Variants in LRRIQ1 observed in about 807,000 individuals in gnomAD.
The protein encoded by LRRIQ1 is leucine rich repeats and IQ motif containing 1, also known as leucine-rich repeat- and IQ domain-containing protein 1.
Under a neutral mutation model 211.9 loss-of-function variants are expected in LRRIQ1, and 210 were observed. That is an observed-to-expected ratio of 0.99 (90% CI 0.89 to 1.11). The LOEUF is 1.11. Among genes scored for constraint, LRRIQ1 ranks in the 50% most tolerant of loss-of-function variants. LRRIQ1 has a pLI of 0.00. For missense variants in LRRIQ1, 2,136 were observed against 1,939.5 expected, an observed-to-expected ratio of 1.10 and a Z score of -1.90; for synonymous variants, 699 against 650.1, an observed-to-expected ratio of 1.08 and a Z score of -1.14.
chr12:85,235,049 A>G (rs1040063550), intron 26 of LRRIQ1, among the ~76,000 whole-genome samples: 13 of 152,222 alleles, frequency 8.5e-5, no homozygotes, highest in Admixed American at 2.0e-4. Flanking sequence ...ACTCTTTAGT[A>G]ACCTTCAATA....
the LRRIQ1 span, among the ~76,000 whole-genome samples, chr12:85,270,911 T>G: frequency 2.2e-3 from 332 of 152,292 alleles, 2 homozygotes; most frequent in African/African-American, 7.8e-3. Context: ...TTTGGTGTTA[T>G]AGATGAAATA....
chr12:85,053,905 C>T (rs1880646864), intron 7 of LRRIQ1, among the ~76,000 whole-genome samples: 1 of 152,170 alleles, frequency 6.6e-6, no homozygotes, highest in South Asian at 2.1e-4. Context: ...CACAAGGTTT[C>T]ACCGTGTTAC....
rs1373582724 is a variant in LRRIQ1, at chr12:85,193,463, C to T, written c.4822+32749C>T. Among the ~76,000 whole-genome samples, 3 of 138,756 alleles carry T rather than the reference C, an allele frequency of 2.2e-5. No individual in the cohort carries two copies. In the Admixed American group the frequency reaches 2.3e-4, roughly 11 times the overall value. 91.0% of individuals were successfully genotyped at this position (138,756 alleles called of 152,430 possible). ...CTCAAAGGGAAGCCCATCAGACTAA[C>T]AGTGGATCTCTCGGCAGAAACCCTA... is the stretch of plus-strand genomic sequence containing the variant. On this transcript the variant is annotated intron_variant, in intron 24 of 26. Transcript: ENST00000393217.
At chr12:85,054,401 A>G (rs1880728770) in intron 7 of LRRIQ1, among the ~76,000 whole-genome samples, 1 of 152,164 alleles carries the variant, frequency 6.6e-6, no homozygotes, top group Non-Finnish European at 1.5e-5. Context: ...GGTCTGAAAT[A>G]TTGCTAGCAT....
intron 17 of LRRIQ1, among the ~76,000 whole-genome samples, chr12:85,127,059 T>C (rs1592846193): frequency 6.6e-6 from 1 of 152,162 alleles, no homozygotes; most frequent in African/African-American, 2.4e-5. Context: ...GTCAGCACTT[T>C]GACTACACTC....
chr12:85,188,910 A>T (rs561791184), intron 24 of LRRIQ1, among the ~76,000 whole-genome samples: 14 of 152,246 alleles, frequency 9.2e-5, no homozygotes, highest in Admixed American at 5.2e-4. Context: ...CATAGGAATT[A>T]TGATCCGCAG....
At chr12:85,127,687 TG>T in intron 17 of LRRIQ1, 144 bp from the exon 18 acceptor site, 1 of 673,716 alleles carries the variant, frequency 1.5e-6, no homozygotes, top group Non-Finnish European at 2.5e-6. Context: ...TCTATGACAA[TG>T]GTTAAACAAA....
At position 85,198,064 on chromosome 12, in the gene LRRIQ1, C is replaced by T. The variant is rs11116741; in HGVS notation, c.4823-31453C>T. On this transcript the variant is annotated intron_variant, in intron 24 of 26. Coordinates refer to ENST00000393217, the MANE Select transcript of LRRIQ1 (RefSeq NM_001079910.2). Reference sequence around the variant, plus strand: ...TAATATATTATATAATTATATATAACATATTATTTATATATAATTTATTAT... The same window carrying T: ...TAATATATTATATAATTATATATAATATATTATTTATATATAATTTATTAT... Among the ~76,000 whole-genome samples the T allele has an allele frequency of 3.0e-3, 129 of 43,196 alleles. 1 individual carries two copies. The African/African-American group carries it at 0.046, about 15-fold the overall frequency. 28.3% of individuals were successfully genotyped at this position (43,196 alleles called of 152,430 possible). A position where few individuals can be genotyped will look rare whatever the true frequency, so the allele number is the denominator to read the frequency against.
chr12:85,050,512 C>G (rs980638308), intron 6 of LRRIQ1, among the ~76,000 whole-genome samples: 1 of 152,096 alleles, frequency 6.6e-6, no homozygotes, highest in Admixed American at 6.5e-5. Flanking sequence ...TTTGATAAGC[C>G]ACACTATTAT....
At chr12:85,052,461 G>A (rs748727972) in intron 7 of LRRIQ1, among the ~76,000 whole-genome samples, 2 of 151,908 alleles carry the variant, frequency 1.3e-5, no homozygotes, top group African/African-American at 2.4e-5. Context: ...AGTGTTGTCC[G>A]TATAAAATTG....
intron 23 of LRRIQ1, among the ~76,000 whole-genome samples, chr12:85,160,021 G>T (rs1995685): frequency 0.017 from 2,638 of 152,006 alleles, 73 homozygotes; most frequent in African/African-American, 0.059. Flanking sequence ...GAAATTGTCA[G>T]GTTGCTCATG....
chr12:85,163,250 G>A (rs1355071038), intron 24 of LRRIQ1, among the ~76,000 whole-genome samples: 1 of 152,072 alleles, frequency 6.6e-6, no homozygotes, highest in Non-Finnish European at 1.5e-5. Context: ...TATATTTACA[G>A]TTACATAACC....
chr12:85,196,231 C>G (rs1182535187), intron 24 of LRRIQ1, among the ~76,000 whole-genome samples: 2 of 151,866 alleles, frequency 1.3e-5, no homozygotes, highest in African/African-American at 4.8e-5. Flanking sequence ...GAATCAATAT[C>G]GTGAAAATGG....
chr12:85,041,493 A>T (rs897247374), intron 3 of LRRIQ1, among the ~76,000 whole-genome samples: 5 of 151,648 alleles, frequency 3.3e-5, no homozygotes, highest in Non-Finnish European at 7.4e-5. Context: ...TATTTGAGCA[A>T]TGACTTAATG....
At chr12:85,194,747 A>G (rs1892797736) in intron 24 of LRRIQ1, among the ~76,000 whole-genome samples, 2 of 152,132 alleles carry the variant, frequency 1.3e-5, no homozygotes, top group African/African-American at 4.8e-5. Context: ...ACACCCTAAC[A>G]TCACAATTGA....
chr12:85,148,951 T>C (rs895115659), intron 19 of LRRIQ1, among the ~76,000 whole-genome samples: 3 of 152,082 alleles, frequency 2.0e-5, no homozygotes, highest in Admixed American at 6.6e-5. Flanking sequence ...ATGTCTTCTT[T>C]TGAGAAGTGT....
chr12:85,153,682 T>A lies in LRRIQ1; in HGVS notation c.4561T>A (p.Ser1521Thr), dbSNP rs529967979. 1 of 1,583,308 alleles carries A rather than the reference T, an allele frequency of 6.3e-7. No homozygotes were observed. The highest frequency in any genetic ancestry group is 1.4e-5 in the African/African-American group (1 of 73,220). Residue 1521 changes from serine to threonine, a missense_variant, in exon 22 of 27, where the codon TCC (serine) becomes ACC (threonine). Transcript: ENST00000393217. The stretch of plus-strand genomic sequence containing the variant: ...TGCCAGATCAGAAAATAAAACTTCT[T>A]CCTGGACACCTGAATCAAAGACCAG... ...FNSRSENKTSSWTPESKTSRK... is the reference protein window; with the variant it reads ...FNSRSENKTSTWTPESKTSRK...
downstream of LRRIQ1, among the ~76,000 whole-genome samples, chr12:85,265,534 A>G (rs1044243011): frequency 3.9e-5 from 6 of 151,984 alleles, no homozygotes; most frequent in Admixed American, 6.6e-5. Flanking sequence ...GTTCTGCTCT[A>G]ATTATTGTGA....
At chr12:85,216,554 A>C (rs910096183) in intron 24 of LRRIQ1, among the ~76,000 whole-genome samples, 2 of 151,066 alleles carry the variant, frequency 1.3e-5, no homozygotes, top group Admixed American at 6.6e-5. Flanking sequence ...TTGCAATTGA[A>C]TATACACATA....
Sources: allele counts gnomAD v4.1 joint callset (sites outside exome capture counted in the v4.1 genomes callset), GRCh38; gene constraint gnomAD v4.1.1; transcripts MANE v1.5; gene names NCBI Gene and HGNC (gene_info 2026-07-23, HGNC 2026-07-21).